The following SMC2 variants were observed in gnomAD, a reference collection of about 807,000 sequenced individuals.
SMC2 encodes the protein structural maintenance of chromosomes protein 2.
A neutral mutation model predicts 142.6 loss-of-function variants in SMC2; 41 were observed. The observed-to-expected ratio is 0.29, with a 90% CI of 0.22 to 0.37. SMC2 has a LOEUF of 0.37. SMC2 is among the 10% of genes least tolerant of loss of function. SMC2 has a pLI of 1.00. For synonymous variants in SMC2, 463 were observed against 457.5 expected (o/e 1.01, Z -0.15); for missense variants, 1,265 against 1,373.7 (o/e 0.92, Z 1.25).
rs1370971913 is a variant in SMC2 at position 104,129,796 on chromosome 9, G to T, written c.2942G>T (p.Arg981Ile). The change falls in exon 21 of 25, where the codon AGA (arginine) becomes ATA (isoleucine). Residue 981 changes from arginine to isoleucine, a missense_variant. Physicochemically the swap from Arg to Ile is moderately conservative, Grantham distance 97 (BLOSUM62 -3). Transcript: ENST00000374793. Reference protein sequence around the residue: ...KLQEMKEKLGRNVNMRAMNVL... With the variant: ...KLQEMKEKLGINVNMRAMNVL... ...CAAGAAATGAAGGAGAAACTAGGAA[G>T]AAATGTCAATATGAGAGCTATGAAT... 3 of 1,613,798 alleles carry T rather than the reference G, an allele frequency of 1.9e-6. No individual in the cohort carries two copies. In the African/African-American group the frequency reaches 4.0e-5, roughly 22 times the overall value.
rs112583990 is a variant in SMC2 at position 104,129,996 on chromosome 9, T to G, written c.2991+151T>G. 5 of 635,594 alleles carry G rather than the reference T, an allele frequency of 7.9e-6. No homozygotes were observed. In the African/African-American group the frequency reaches 9.2e-5, roughly 12 times the overall value. The allele number at this position is 635,594 out of a possible 1,614,324, so 39.4% of individuals were successfully genotyped here. Reference sequence around the variant, plus strand: ...CTTTCCTTTTTCTCTTTTCGTCATTTTTTTCTTATTACTCTTATGCATCAT... The same window carrying G: ...CTTTCCTTTTTCTCTTTTCGTCATTGTTTTCTTATTACTCTTATGCATCAT... On this transcript the variant is annotated intron_variant, in intron 21 of 24. Transcript: ENST00000374793.
At chr9:104,125,560 G>A (rs1029708408) in intron 18 of SMC2, among the ~76,000 whole-genome samples, 2 of 152,094 alleles carry the variant, frequency 1.3e-5, no homozygotes, top group East Asian at 1.9e-4. Flanking sequence ...CAAAGTTGAC[G>A]GTTGGTAAAT....
chr9:104,100,192 G>T lies in SMC2; in HGVS notation c.580G>T (p.Glu194Ter). Residue 194 changes from glutamate to a stop codon, truncating the protein, a stop_gained, in exon 6 of 25, where the codon GAA becomes TAA. Coordinates refer to ENST00000374793, the MANE Select transcript of SMC2 (RefSeq NM_006444.3). LOFTEE classifies it high-confidence loss of function. ...TIEKKEAKLKEIKTILEEEIT... is the reference protein window; with the variant it reads ...TIEKKEAKLK Reference sequence around the variant, plus strand: ...AGAAAAAAAGGAGGCTAAGCTGAAAGAAATTAAGACGGTAATTTAATTCAT... The same window carrying T: ...AGAAAAAAAGGAGGCTAAGCTGAAATAAATTAAGACGGTAATTTAATTCAT... 1 of 1,543,676 alleles carries T rather than the reference G, an allele frequency of 6.5e-7. No individual in the cohort carries two copies. The highest frequency in any genetic ancestry group is 8.7e-7 in the Non-Finnish European group (1 of 1,143,368).
chr9:104,101,922 A>G (rs753897671), intron 7 of SMC2, 38 bp from the exon 8 acceptor site: 4 of 1,301,480 alleles, frequency 3.1e-6, no homozygotes, highest in South Asian at 2.6e-5. Flanking sequence ...TTTTTAATAC[A>G]ATTTTGAGTT....
chr9:104,133,333 G>T (rs1007916318), intron 22 of SMC2, among the ~76,000 whole-genome samples: 2 of 152,080 alleles, frequency 1.3e-5, no homozygotes, highest in African/African-American at 4.8e-5. Flanking sequence ...TGAGCTGCCT[G>T]TCCCACACTT....
At position 104,139,407 on chromosome 9, in the gene SMC2, A is replaced by G; in HGVS notation, c.*92A>G. 9.7e-7 allele frequency: 1 copy of G among 1,032,856 alleles called. No individual in the cohort carries two copies. Among genetic ancestry groups the G allele is most frequent in the Non-Finnish European group, 1.4e-6 (1 of 717,892 alleles). 64.0% of individuals were successfully genotyped at this position (1,032,856 alleles called of 1,614,324 possible). ...CTAATTTGTTTATATACAAAAATTA[A>G]TGTTACTGTGTTACTTAACCCATGT... On this transcript the variant is annotated 3_prime_UTR_variant, in exon 25 of 25. Coordinates refer to ENST00000374793, the MANE Select transcript of SMC2 (RefSeq NM_006444.3).
chr9:104,112,698 A>T (rs1417391714), intron 10 of SMC2, among the ~76,000 whole-genome samples: 4 of 152,118 alleles, frequency 2.6e-5, no homozygotes, highest in Non-Finnish European at 4.4e-5. Context: ...TTTGGAGGAT[A>T]CCCCCATCTA....
chr9:104,139,070 C>A (rs943936447), intron 24 of SMC2, 69 bp from the exon 25 acceptor site: 1 of 928,024 alleles, frequency 1.1e-6, no homozygotes, highest in Non-Finnish European at 1.5e-6. Flanking sequence ...TTCTTATCAC[C>A]AGTATAAAGG....
chr9:104,102,189 A>T lies in SMC2; in HGVS notation c.866A>T (p.Asp289Val). 1 of 1,509,574 alleles carries T rather than the reference A, an allele frequency of 6.6e-7. No homozygotes were observed. The highest frequency in any genetic ancestry group is 2.3e-5 in the East Asian group (1 of 44,304). 93.5% of individuals were successfully genotyped at this position (1,509,574 alleles called of 1,614,324 possible). Residue 289 changes from aspartate (D) to valine (V), a missense_variant, in exon 8 of 25, where the codon GAT becomes GTT. Physicochemically the swap from Asp to Val is radical, Grantham distance 152 (BLOSUM62 -3). Around this residue, in one of 4 missense-constraint regions of SMC2, gnomAD observed 898 missense variants for 904.2 expected, o/e 0.99. Transcript: ENST00000374793. ...ATAGAAGAATTGGAAAAAAGAAAAG[A>T]TAAGGTCTGAACATATGTATAAGAA... ...HEIEELEKRK[D>V]KETGGILRSL...
the SMC2 span, among the ~76,000 whole-genome samples, chr9:104,088,438 G>A: frequency 2.6e-5 from 4 of 151,980 alleles, no homozygotes; most frequent in Non-Finnish European, 4.4e-5. Context: ...GTGGATAAAG[G>A]GTTAAGGGAT....
At position 104,118,279 on chromosome 9, in the gene SMC2, G is replaced by C. The variant is rs756686738; in HGVS notation, c.1900G>C (p.Asp634His). 6.9e-5 allele frequency: 111 copies of C among 1,613,452 alleles called. No individual in the cohort carries two copies. The highest frequency in any genetic ancestry group is 3.2e-4 in the South Asian group (29 of 91,056). ...FGTTFVCDNM[D>H]NAKKVAFDKR... ...AACAACATTTGTTTGTGACAATATG[G>C]ATAATGCCAAAAAAGTGGCCTTTGA... The change falls in exon 15 of 25, where the codon GAT becomes CAT. Residue 634 changes from aspartate to histidine, a missense_variant. Around this residue, in one of 4 missense-constraint regions of SMC2, gnomAD observed 898 missense variants for 904.2 expected, o/e 0.99. Coordinates refer to ENST00000374793, the MANE Select transcript of SMC2 (RefSeq NM_006444.3).
chr9:104,090,544 A>T (rs1330331003), upstream of SMC2, among the ~76,000 whole-genome samples: 1 of 152,198 alleles, frequency 6.6e-6, no homozygotes, highest in Non-Finnish European at 1.5e-5. Context: ...CCTATGAGAA[A>T]TCAAAACTGC....
At chr9:104,123,736 CT>C (rs1224038784) in intron 17 of SMC2, among the ~76,000 whole-genome samples, 1 of 152,034 alleles carries the variant, frequency 6.6e-6, no homozygotes, top group African/African-American at 2.4e-5. Flanking sequence ...TGCAAATATC[CT>C]TTTACCATCT....
upstream of SMC2, among the ~76,000 whole-genome samples, chr9:104,090,215 G>A (rs1474014188): frequency 6.6e-6 from 1 of 152,076 alleles, no homozygotes; most frequent in Non-Finnish European, 1.5e-5. Context: ...ACAAAAAACA[G>A]CAAAAAGGAA....
intron 9 of SMC2, among the ~76,000 whole-genome samples, chr9:104,103,266 A>G (rs1435197585): frequency 6.6e-6 from 1 of 152,092 alleles, no homozygotes; most frequent in East Asian, 1.9e-4. Flanking sequence ...TTCAAGGAGA[A>G]GTGGCCATGA....
At chr9:104,118,909 T>C (rs2131438734) in intron 15 of SMC2, among the ~76,000 whole-genome samples, 1 of 152,160 alleles carries the variant, frequency 6.6e-6, no homozygotes, top group East Asian at 1.9e-4. Flanking sequence ...TAAGAATTAG[T>C]TCTTAATAAC....
chr9:104,115,444 G>A (rs192568561), intron 13 of SMC2, among the ~76,000 whole-genome samples: 113 of 151,962 alleles, frequency 7.4e-4, no homozygotes, highest in African/African-American at 2.4e-3. Context: ...GCGTAGTGGC[G>A]TGCGCCTGGA....
chr9:104,091,062 A>T (rs966694578), upstream of SMC2, among the ~76,000 whole-genome samples: 6 of 152,200 alleles, frequency 3.9e-5, no homozygotes, highest in Admixed American at 1.3e-4. Context: ...AATTATACTT[A>T]GCTGTGTTTC....
At chr9:104,130,667 G>A (rs1052117079) in intron 21 of SMC2, among the ~76,000 whole-genome samples, 2 of 152,042 alleles carry the variant, frequency 1.3e-5, no homozygotes, top group African/African-American at 2.4e-5. Context: ...AATCATGCAG[G>A]TATTGTGATC....
Sources: allele counts gnomAD v4.1 joint callset (sites outside exome capture counted in the v4.1 genomes callset), GRCh38; gene constraint gnomAD v4.1.1; regional missense constraint gnomAD v4.1.1; transcripts MANE v1.5; gene names NCBI Gene and HGNC (gene_info 2026-07-23, HGNC 2026-07-21).